Variants in CMSS1 observed in about 807,000 individuals in gnomAD.
The protein encoded by CMSS1 is protein CMSS1.
Under a neutral mutation model 43.5 loss-of-function variants are expected in CMSS1, and 33 were observed. That is an observed-to-expected ratio of 0.76 (90% CI 0.57 to 1.01). The LOEUF (loss-of-function observed/expected upper bound fraction) is 1.01, where lower values mean the gene tolerates loss of function less well. CMSS1 is among the 50% of genes least tolerant of loss of function. CMSS1 has a pLI of 0.00. For synonymous variants in CMSS1, 115 were observed against 117.2 expected (o/e 0.98, Z 0.12); for missense variants, 313 against 326.4 (o/e 0.96, Z 0.32).
intron 1 of CMSS1, among the ~76,000 whole-genome samples, chr3:100,051,749 C>T (rs904804883): frequency 4.0e-5 from 6 of 151,394 alleles, no homozygotes; most frequent in Admixed American, 1.3e-4. Context: ...TTAATCTAGT[C>T]GATCATTGTT....
At chr3:99,844,869 A>G (rs930620803) in intron 1 of CMSS1, among the ~76,000 whole-genome samples, 1 of 152,204 alleles carries the variant, frequency 6.6e-6, no homozygotes, top group Non-Finnish European at 1.5e-5. Flanking sequence ...TCTTGCTGCC[A>G]GGTGAGATGT....
chr3:100,085,392 A>G (rs1056675705), intron 1 of CMSS1, among the ~76,000 whole-genome samples: 2 of 152,126 alleles, frequency 1.3e-5, no homozygotes, highest in African/African-American at 4.8e-5. Context: ...ACTGACTTTT[A>G]CTATAATAGC....
chr3:100,064,824 G>A (rs2065635351), intron 1 of CMSS1, among the ~76,000 whole-genome samples: 1 of 148,968 alleles, frequency 6.7e-6, no homozygotes, highest in African/African-American at 2.5e-5. Flanking sequence ...GAATTCAGCA[G>A]TTGGATTTCC....
At chr3:99,818,398 G>A (rs916588784) in intron 1 of CMSS1, among the ~76,000 whole-genome samples, 2 of 152,178 alleles carry the variant, frequency 1.3e-5, no homozygotes, top group Non-Finnish European at 2.9e-5. Context: ...CAGAAGCAGG[G>A]GTTGCTGCTT....
At chr3:100,073,457 C>G (rs548705799) in intron 1 of CMSS1, among the ~76,000 whole-genome samples, 1 of 152,058 alleles carries the variant, frequency 6.6e-6, no homozygotes, top group African/African-American at 2.4e-5. Flanking sequence ...GCAGCTTCCT[C>G]GAAAAGACTG....
At chr3:99,962,394 G>T (rs1708519785) in intron 1 of CMSS1, among the ~76,000 whole-genome samples, 1 of 152,134 alleles carries the variant, frequency 6.6e-6, no homozygotes, top group African/African-American at 2.4e-5. Context: ...AACATAAAAG[G>T]TTCTGCATGA....
At chr3:100,086,874 A>G (rs150478058) in intron 1 of CMSS1, among the ~76,000 whole-genome samples, 1,784 of 152,216 alleles carry the variant, frequency 0.012, 23 homozygotes, top group African/African-American at 0.026. Context: ...CCCTCTCTCT[A>G]TTCTCAACCC....
chr3:100,159,816 C>T (rs1182613973), intron 2 of CMSS1: 1 of 451,808 alleles, frequency 2.2e-6, no homozygotes, highest in Non-Finnish European at 4.5e-6. Context: ...ACAGATTACT[C>T]TAGATACTGT....
intron 1 of CMSS1, among the ~76,000 whole-genome samples, chr3:99,924,829 G>A (rs917822331): frequency 2.0e-5 from 3 of 152,088 alleles, no homozygotes; most frequent in African/African-American, 4.8e-5. Context: ...GCCAGCAGTG[G>A]GTTTTTTATC....
At chr3:100,140,639 A>G (rs1268696569) in intron 1 of CMSS1, among the ~76,000 whole-genome samples, 1 of 152,114 alleles carries the variant, frequency 6.6e-6, no homozygotes, top group Non-Finnish European at 1.5e-5. Context: ...GGCGTGAGCT[A>G]CAACCCCTAG....
Position 100,066,767 on chromosome 3 carries a change from G to A in CMSS1, c.65-80206G>A, listed in dbSNP as rs1489964924. Among the ~76,000 whole-genome samples the A allele has an allele frequency of 3.2e-5, 3 of 94,556 alleles. 1 individual carries two copies. The highest frequency in any genetic ancestry group is 1.0e-4 in the African/African-American group (3 of 29,000). The allele number at this position is 94,556 out of a possible 152,430, so 62.0% of individuals were successfully genotyped here. A position where few individuals can be genotyped will look rare whatever the true frequency, so the allele number is the denominator to read the frequency against. ...GGGATGGTCTCGATCTCCTGACCTC[G>A]TGATCCGCCCGCCTCGGCCTCCCAA... On this transcript the variant is annotated intron_variant, in intron 1 of 9. Coordinates refer to ENST00000421999, the MANE Select transcript of CMSS1 (RefSeq NM_032359.4).
intron 1 of CMSS1, among the ~76,000 whole-genome samples, chr3:100,128,565 G>A (rs1035525029): frequency 2.6e-5 from 4 of 152,158 alleles, no homozygotes; most frequent in African/African-American, 9.7e-5. Context: ...CACATCTTAA[G>A]TGTACTGTTC....
Position 99,923,921 on chromosome 3 carries a change from A to G in CMSS1, c.64+105878A>G, listed in dbSNP as rs1014386854. On this transcript the variant is annotated intron_variant, in intron 1 of 9. Coordinates refer to ENST00000421999, the MANE Select transcript of CMSS1 (RefSeq NM_032359.4). ...TAACACACTTATTTCACCCCTTGCC[A>G]TGAATATGGTTTTCATTCTTGTTTG... is the stretch of plus-strand genomic sequence containing the variant. Among the ~76,000 whole-genome samples the G allele has an allele frequency of 3.3e-5, 5 of 152,190 alleles. 1 individual carries two copies. Among genetic ancestry groups the G allele is most frequent in the African/African-American group, 1.2e-4 (5 of 41,444 alleles).
intron 1 of CMSS1, among the ~76,000 whole-genome samples, chr3:100,012,673 G>T (rs2107199474): frequency 2.0e-5 from 3 of 151,736 alleles, no homozygotes; most frequent in Admixed American, 2.0e-4. Context: ...GACATACATG[G>T]TTGCCCCAAT....
chr3:99,931,059 C>G, intron 1 of CMSS1: 1 of 1,595,290 alleles, frequency 6.3e-7, no homozygotes, highest in Middle Eastern at 1.7e-4. Context: ...ATTTGTAAAG[C>G]TTAATGGAAA....
chr3:100,032,766 C>T (rs1042122076), intron 1 of CMSS1, among the ~76,000 whole-genome samples: 1 of 152,120 alleles, frequency 6.6e-6, no homozygotes, highest in Admixed American at 6.6e-5. Context: ...ATAACAATTG[C>T]ATAAATGGTA....
At chr3:100,038,405 T>G (rs967858473) in intron 1 of CMSS1, among the ~76,000 whole-genome samples, 6 of 152,208 alleles carry the variant, frequency 3.9e-5, no homozygotes, top group African/African-American at 1.4e-4. Flanking sequence ...AAAAGCTGAT[T>G]AGCCAAATTA....
intron 1 of CMSS1, among the ~76,000 whole-genome samples, chr3:100,083,696 T>C (rs1235007456): frequency 6.6e-6 from 1 of 152,242 alleles, no homozygotes; most frequent in Non-Finnish European, 1.5e-5. Context: ...AACTAAATTG[T>C]GTTTTCAACT....
At chr3:99,945,260 C>T (rs1385872597) in intron 1 of CMSS1, among the ~76,000 whole-genome samples, 3 of 152,178 alleles carry the variant, frequency 2.0e-5, no homozygotes, top group South Asian at 2.1e-4. Context: ...AAGTCCCACT[C>T]ATCGCTACGA....
Sources: allele counts gnomAD v4.1 joint callset (sites outside exome capture counted in the v4.1 genomes callset), GRCh38; gene constraint gnomAD v4.1.1; transcripts MANE v1.5; gene names NCBI Gene and HGNC (gene_info 2026-07-23, HGNC 2026-07-21).